Variants in DYRK1A observed in about 807,000 individuals in gnomAD.
DYRK1A encodes dual specificity tyrosine-phosphorylation-regulated kinase 1A.
DYRK1A carries 9 observed loss-of-function variants against 79.7 expected under a neutral mutation model. The ratio of observed to expected loss-of-function variants is 0.11; its 90% CI spans 0.07 to 0.20. The LOEUF (loss-of-function observed/expected upper bound fraction) is 0.20. DYRK1A is among the 10% of genes least tolerant of loss of function. The probability of loss-of-function intolerance (pLI) is 1.00; values close to 1 mark genes in which losing one functional copy is unlikely to be tolerated. For synonymous variants in DYRK1A, 349 were observed against 329.7 expected (o/e 1.06, Z -0.63); for missense variants, 622 against 956.0 (o/e 0.65, Z 4.61).
At chr21:37,435,022 A>G (rs1331740158) in intron 2 of DYRK1A, among the ~76,000 whole-genome samples, 3 of 152,228 alleles carry the variant, frequency 2.0e-5, no homozygotes, top group Non-Finnish European at 4.4e-5. Context: ...CAAATGCACT[A>G]CTTTAACTGT....
chr21:37,383,814 GGTGAT>G (rs1234453603), intron 1 of DYRK1A, among the ~76,000 whole-genome samples: 2 of 149,098 alleles, frequency 1.3e-5, no homozygotes, highest in Admixed American at 1.3e-4. Context: ...ATAAAGATGG[GGTGAT>G]GTGATAGGTA....
At chr21:37,498,157 A>G (rs947057149) in intron 9 of DYRK1A, among the ~76,000 whole-genome samples, 1 of 152,186 alleles carries the variant, frequency 6.6e-6, no homozygotes, top group African/African-American at 2.4e-5. Context: ...GGGTTTTCCA[A>G]TAATGAAATA....
intron 1 of DYRK1A, among the ~76,000 whole-genome samples, chr21:37,404,089 T>A (rs2050106465): frequency 6.6e-6 from 1 of 152,066 alleles, no homozygotes; most frequent in Non-Finnish European, 1.5e-5. Flanking sequence ...AATGTTCAGG[T>A]GTGTATTAGG....
chr21:37,393,269 T>C (rs774164826), intron 1 of DYRK1A, among the ~76,000 whole-genome samples: 1 of 152,236 alleles, frequency 6.6e-6, no homozygotes, highest in Non-Finnish European at 1.5e-5. Context: ...GTAGCAGTAC[T>C]CTCTGTTACT....
chr21:37,410,280 T>G (rs1343939067), intron 1 of DYRK1A, among the ~76,000 whole-genome samples: 1 of 152,136 alleles, frequency 6.6e-6, no homozygotes, highest in Non-Finnish European at 1.5e-5. Context: ...ATATGAAGAG[T>G]GTTTTGTAGG....
intron 1 of DYRK1A, among the ~76,000 whole-genome samples, chr21:37,414,956 C>G (rs1002751068): frequency 6.6e-6 from 1 of 152,200 alleles, no homozygotes; most frequent in African/African-American, 2.4e-5. Flanking sequence ...AGTACCTGTA[C>G]TACTACTTTA....
intron 1 of DYRK1A, among the ~76,000 whole-genome samples, chr21:37,404,132 C>T (rs1386869209): frequency 6.6e-6 from 1 of 152,060 alleles, no homozygotes; most frequent in African/African-American, 2.4e-5. Context: ...ATAAGAGATA[C>T]ACAGGCGTGT....
At chr21:37,502,220 T>A (rs1347004917) in intron 9 of DYRK1A, 1 of 152,216 alleles carries the variant, frequency 6.6e-6, no homozygotes, top group East Asian at 1.9e-4. Context: ...CAACATATGA[T>A]CAAGTCGTTT....
chr21:37,446,297 C>G (rs756725188), intron 2 of DYRK1A, among the ~76,000 whole-genome samples: 1 of 152,136 alleles, frequency 6.6e-6, no homozygotes, highest in Non-Finnish European at 1.5e-5. Flanking sequence ...GCTCTGAAAA[C>G]ATATTTGCTT....
Position 37,490,256 on chromosome 21 carries a change from T to A in DYRK1A, c.719T>A (p.Leu240Gln). The change falls in exon 7 of 12, where the codon CTG (leucine) becomes CAG (glutamine). Residue 240 changes from leucine to glutamine, a missense_variant. Around this residue, in one of 5 missense-constraint regions of DYRK1A, gnomAD observed 138 missense variants for 346.4 expected, o/e 0.40. Transcript: ENST00000647188. The stretch of plus-strand genomic sequence containing the variant: ...CTGTCCTACAACCTCTATGACTTGC[T>A]GAGAAACACCAATTTCCGAGGGGTC... ...EMLSYNLYDL[L>Q]RNTNFRGVSL... 6.2e-7 allele frequency: 1 copy of A among 1,613,862 alleles called. No individual in the cohort carries two copies. Among genetic ancestry groups the A allele is most frequent in the Non-Finnish European group, 8.5e-7 (1 of 1,179,756 alleles).
At chr21:37,446,997 C>T (rs1297505483) in intron 2 of DYRK1A, among the ~76,000 whole-genome samples, 7 of 152,112 alleles carry the variant, frequency 4.6e-5, no homozygotes, top group South Asian at 2.1e-4. Flanking sequence ...TACCACTTGT[C>T]CCCTGTGTGA....
chr21:37,476,034 A>AG (rs2052381993), intron 3 of DYRK1A, among the ~76,000 whole-genome samples: 1 of 152,188 alleles, frequency 6.6e-6, no homozygotes, highest in Non-Finnish European at 1.5e-5. Context: ...GACTGCTAAG[A>AG]GGGTAGACTA....
intron 1 of DYRK1A, among the ~76,000 whole-genome samples, chr21:37,382,202 GCTTT>G (rs1356096319): frequency 1.3e-4 from 20 of 150,916 alleles, no homozygotes; most frequent in African/African-American, 4.6e-4. Flanking sequence ...CATGAAGCTT[GCTTT>G]CTTTTTTTTT....
intron 4 of DYRK1A, among the ~76,000 whole-genome samples, chr21:37,480,209 A>G (rs1238511858): frequency 2.6e-5 from 4 of 152,242 alleles, no homozygotes; most frequent in Non-Finnish European, 4.4e-5. Flanking sequence ...TTATATCCCA[A>G]ATATAAAGTT....
At chr21:37,469,343 G>A (rs992175640) in intron 2 of DYRK1A, among the ~76,000 whole-genome samples, 3 of 152,206 alleles carry the variant, frequency 2.0e-5, no homozygotes, top group African/African-American at 7.2e-5. Context: ...AATAATCCAG[G>A]TGTCGGTCAG....
chr21:37,482,291 T>G (rs190561526), intron 5 of DYRK1A, among the ~76,000 whole-genome samples: 1 of 152,306 alleles, frequency 6.6e-6, no homozygotes, highest in Admixed American at 6.5e-5. Flanking sequence ...TAGGTTCTTT[T>G]CTATTTTCCC....
In DYRK1A at chr21:37,506,123, G is replaced by C. The variant is rs750087915; in HGVS notation, c.1544G>C (p.Ser515Thr). Residue 515 changes from serine to threonine, a missense_variant, in exon 11 of 12, where the codon AGT becomes ACT. Physicochemically the swap from Ser to Thr is moderately conservative, Grantham distance 58. Around this residue, in one of 5 missense-constraint regions of DYRK1A, gnomAD observed 292 missense variants for 316.7 expected, o/e 0.92. Coordinates refer to ENST00000647188, the MANE Select transcript of DYRK1A (RefSeq NM_001347721.2). ...SSGGSSGTSN[S>T]GRARSDPTHQ... ...GGTGGCTCATCGGGGACAAGCAACA[G>C]TGGGAGAGCCCGGTCGGATCCGACG... 4 of 1,612,844 alleles carry C rather than the reference G, an allele frequency of 2.5e-6. No individual in the cohort carries two copies. Among genetic ancestry groups the C allele is most frequent in the Admixed American group, 1.7e-5 (1 of 60,012 alleles).
intron 11 of DYRK1A, among the ~76,000 whole-genome samples, chr21:37,509,938 C>G (rs2053704095): frequency 6.6e-6 from 1 of 152,222 alleles, no homozygotes; most frequent in African/African-American, 2.4e-5. Flanking sequence ...AAATCTCATG[C>G]TGTCCCACCC....
chr21:37,473,632 C>T (rs1193559697), intron 3 of DYRK1A, among the ~76,000 whole-genome samples: 2 of 152,016 alleles, frequency 1.3e-5, no homozygotes, highest in Non-Finnish European at 2.9e-5. Context: ...GTTTGCCATT[C>T]TTTTGTTTAG....
Sources: allele counts gnomAD v4.1 joint callset (sites outside exome capture counted in the v4.1 genomes callset), GRCh38; gene constraint gnomAD v4.1.1; regional missense constraint gnomAD v4.1.1; transcripts MANE v1.5; gene names NCBI Gene and HGNC (gene_info 2026-07-23, HGNC 2026-07-21).